Variants in USP35 observed in about 807,000 individuals in gnomAD.
USP35 encodes ubiquitin specific peptidase 35, also known as ubiquitin carboxyl-terminal hydrolase 35.
A neutral mutation model predicts 83.8 loss-of-function variants in USP35; 69 were observed. The ratio of observed to expected loss-of-function variants is 0.82; its 90% CI spans 0.68 to 1.01. The LOEUF (loss-of-function observed/expected upper bound fraction) is 1.01. USP35 is among the 50% of genes least tolerant of loss of function. The pLI is 0.00. For missense variants in USP35, 1,503 were observed against 1,362.5 expected, an observed-to-expected ratio of 1.10 and a Z score of -1.62; for synonymous variants, 714 against 589.5, an observed-to-expected ratio of 1.21 and a Z score of -3.06.
Position 78,199,725 on chromosome 11 carries a change from G to T in USP35, c.936+1G>T, listed in dbSNP as rs1863278376. The T allele has an allele frequency of 6.2e-7, 1 of 1,614,052 alleles. No homozygotes were observed. The highest frequency in any genetic ancestry group is 1.3e-5 in the African/African-American group (1 of 74,934). Reference sequence around the variant, plus strand: ...GGTTTCGCTCACCAAAATTGAGAAGGTTGGTGCCCCTGTCCTAGCCCAGAG... The same window carrying T: ...GGTTTCGCTCACCAAAATTGAGAAGTTTGGTGCCCCTGTCCTAGCCCAGAG... On this transcript the variant is annotated splice_donor_variant, in intron 4 of 10. Coordinates refer to ENST00000529308, the MANE Select transcript of USP35 (RefSeq NM_020798.4). LOFTEE classifies it high-confidence loss of function.
rs1863933093 is a variant in USP35, at chr11:78,213,962, T to C, written c.*149T>C. On this transcript the variant is annotated 3_prime_UTR_variant, in exon 11 of 11. Transcript: ENST00000529308. ...TGATGAAGGGTACACAGAGATTCTC[T>C]CAGATATGGAAGTAAGACCTAAGTC... is the stretch of plus-strand genomic sequence containing the variant. 1.2e-6 allele frequency: 1 copy of C among 861,972 alleles called. No individual in the cohort carries two copies. The highest frequency in any genetic ancestry group is 1.6e-6 in the Non-Finnish European group (1 of 609,784). 53.4% of individuals were successfully genotyped at this position (861,972 alleles called of 1,614,324 possible).
At chr11:78,216,249 T>G (rs568278213), downstream of USP35, 5 of 152,372 alleles carry the variant, frequency 3.3e-5, no homozygotes, top group East Asian at 9.7e-4. Context: ...GAGCTGGAAG[T>G]GGGTGAAGAA....
chr11:78,229,551 A>C, the USP35 span, among the ~76,000 whole-genome samples: 2 of 152,170 alleles, frequency 1.3e-5, no homozygotes, highest in Non-Finnish European at 2.9e-5. Flanking sequence ...CAGTTACTCA[A>C]GCCAGAAACC....
the USP35 span, among the ~76,000 whole-genome samples, chr11:78,226,217 A>G: frequency 5.4e-4 from 82 of 152,364 alleles, 1 homozygote; most frequent in Admixed American, 2.4e-3. Flanking sequence ...AGAATGTCCT[A>G]TTCTCCATTA....
At chr11:78,197,411 A>G (rs1565395133) in intron 2 of USP35, among the ~76,000 whole-genome samples, 1 of 152,130 alleles carries the variant, frequency 6.6e-6, no homozygotes, top group Non-Finnish European at 1.5e-5. Context: ...TCAGAAACGT[A>G]AAATCTTGAT....
At chr11:78,222,745 G>C in the USP35 span, among the ~76,000 whole-genome samples, 4 of 151,960 alleles carry the variant, frequency 2.6e-5, no homozygotes, top group Non-Finnish European at 5.9e-5. Flanking sequence ...ACCACGCTTA[G>C]CTAATTTTTA....
the USP35 span, among the ~76,000 whole-genome samples, chr11:78,228,137 C>T: frequency 6.9e-4 from 105 of 152,262 alleles, 1 homozygote; most frequent in Middle Eastern, 6.8e-3. Flanking sequence ...GGACCTAGTA[C>T]GTCACAATGA....
chr11:78,207,665 TG>T, intron 8 of USP35, 42 bp downstream of exon 8: 1 of 1,594,096 alleles, frequency 6.3e-7, no homozygotes. Flanking sequence ...GAGGCAGCTC[TG>T]GTCAGGCCCC....
chr11:78,229,946 T>C, the USP35 span, among the ~76,000 whole-genome samples: 1 of 152,224 alleles, frequency 6.6e-6, no homozygotes, highest in South Asian at 2.1e-4. Flanking sequence ...CTCTAAGCAT[T>C]GCTTAACTTA....
chr11:78,231,336 G>GGTTTGTGTGT, the USP35 span, among the ~76,000 whole-genome samples: 1 of 145,796 alleles, frequency 6.9e-6, no homozygotes, highest in Non-Finnish European at 1.5e-5. Flanking sequence ...GCGCGTGTGT[G>GGTTTGTGTGT]GTGTGTGTGT....
At chr11:78,201,496 A>G (rs114570672) in intron 6 of USP35, among the ~76,000 whole-genome samples, 380 of 152,290 alleles carry the variant, frequency 2.5e-3, no homozygotes, top group African/African-American at 8.7e-3. Context: ...GAAAATGTCT[A>G]CAAGGTTTGG....
rs1429014537 is a variant in USP35 at position 78,210,778 on chromosome 11, C to G, written c.2889+34C>G. ...AGCCGTGGGGCCTTTGATCTGATCT[C>G]TTGGTGGAGGGAGTCCAGTCCCACT... On this transcript the variant is annotated intron_variant, in intron 10 of 10. Transcript: ENST00000529308. 12 of 1,502,090 alleles carry G rather than the reference C, an allele frequency of 8.0e-6. No individual in the cohort carries two copies. The African/African-American group carries it at 1.1e-4, about 14-fold the overall frequency. The allele number at this position is 1,502,090 out of a possible 1,614,324, so 93.0% of individuals were successfully genotyped here. A position where few individuals can be genotyped will look rare whatever the true frequency, so the allele number is the denominator to read the frequency against.
At chr11:78,194,799 G>C (rs1319620149) in intron 1 of USP35, among the ~76,000 whole-genome samples, 1 of 152,172 alleles carries the variant, frequency 6.6e-6, no homozygotes, top group African/African-American at 2.4e-5. Flanking sequence ...GCTAGGTGCT[G>C]GGGATACTGT....
Position 78,213,955 on chromosome 11 carries a change from GAT to G in USP35, c.*143_*144del. The G allele has an allele frequency of 1.1e-6, 1 of 885,190 alleles. No homozygotes were observed. The highest frequency in any genetic ancestry group is 1.6e-6 in the Non-Finnish European group (1 of 628,548). 54.8% of individuals were successfully genotyped at this position (885,190 alleles called of 1,614,324 possible). On this transcript the variant is annotated 3_prime_UTR_variant, in exon 11 of 11. Coordinates refer to ENST00000529308, the MANE Select transcript of USP35 (RefSeq NM_020798.4). ...CTCAGCCTGATGAAGGGTACACAGA[GAT>G]TCTCTCAGATATGGAAGTAAGACCT...
intron 4 of USP35, 67 bp from the exon 5 acceptor site, chr11:78,200,066 G>T: frequency 6.4e-7 from 1 of 1,554,334 alleles, no homozygotes; most frequent in Non-Finnish European, 8.9e-7. Context: ...TCCCCTCTCA[G>T]GCTTGTGATT....
Position 78,196,615 on chromosome 11 carries a change from C to A in USP35, c.370C>A (p.Leu124Met), listed in dbSNP as rs1590897159. 4 of 1,290,708 alleles carry A rather than the reference C, an allele frequency of 3.1e-6. No individual in the cohort carries two copies. Among genetic ancestry groups the A allele is most frequent in the Non-Finnish European group, 3.9e-6 (4 of 1,021,770 alleles). The allele number at this position is 1,290,708 out of a possible 1,614,324, so 80.0% of individuals were successfully genotyped here. Reference protein sequence around the residue: ...GPAADEVFALLRREVLRTVCE... With the variant: ...GPAADEVFALMRREVLRTVCE... ...TGCGGCCGACGAGGTGTTCGCGCTG[C>A]TGCGGCGCGAGGTGCTGCGCACCGT... The change falls in exon 2 of 11, where the codon CTG becomes ATG. Residue 124 changes from leucine (L) to methionine (M), a missense_variant. Transcript: ENST00000529308. The surrounding 1 kb of genome is among the most constrained non-coding windows in gnomAD (Gnocchi z 4.8).
chr11:78,211,259 C>G (rs192460124), intron 10 of USP35, among the ~76,000 whole-genome samples: 2 of 152,178 alleles, frequency 1.3e-5, no homozygotes, highest in African/African-American at 4.8e-5. Flanking sequence ...CAGCTCCGTC[C>G]ATGTCCCTGC....
At chr11:78,226,666 G>A in the USP35 span, 26 of 1,613,932 alleles carry the variant, frequency 1.6e-5, no homozygotes, top group East Asian at 2.7e-4. Flanking sequence ...ATGGCATTGT[G>A]GTTTTTGTCC....
intron 7 of USP35, 24 bp from the exon 8 acceptor site, chr11:78,207,506 G>C: frequency 1.2e-6 from 2 of 1,612,916 alleles, no homozygotes; most frequent in Non-Finnish European, 1.7e-6. Flanking sequence ...GGCTTACCCT[G>C]GGTGCCCCTG....
Sources: gnomAD v4.1 joint callset for allele counts (sites outside exome capture counted in the v4.1 genomes callset) on GRCh38, gnomAD v4.1.1 for gene constraint, Gnocchi (gnomAD v3.1) non-coding constraint, MANE v1.5 for transcripts, NCBI Gene and HGNC (gene_info 2026-07-23, HGNC 2026-07-21) for gene names.